The following ODAD2 variants were observed in gnomAD, a reference collection of about 807,000 sequenced individuals.
ODAD2 encodes the protein outer dynein arm-docking complex subunit 2.
In ODAD2, 89 loss-of-function variants were observed where a neutral mutation model predicts 106.8. The observed-to-expected ratio is 0.83, with a 90% CI of 0.70 to 0.99. The LOEUF (loss-of-function observed/expected upper bound fraction) is 0.99, where lower values mean the gene tolerates loss of function less well. Among genes scored for constraint, ODAD2 ranks in the 50% least tolerant of loss-of-function variants. ODAD2 has a pLI of 0.00. For missense variants in ODAD2, 1,168 were observed against 1,238.5 expected, an observed-to-expected ratio of 0.94 and a Z score of 0.85; for synonymous variants, 404 against 436.2, an observed-to-expected ratio of 0.93 and a Z score of 0.92.
At chr10:27,882,173 A>AAAAAAAAGAAAGAAAG (rs1244028116) in intron 17 of ODAD2, among the ~76,000 whole-genome samples, 1 of 109,682 alleles carries the variant, frequency 9.1e-6, no homozygotes, top group African/African-American at 3.5e-5. Context: ...GTCATAAAAA[A>AAAAAAAAGAAAGAAAG]AAAGAAAGAA....
At chr10:27,826,084 G>C (rs1267441439) in intron 19 of ODAD2, among the ~76,000 whole-genome samples, 1 of 152,198 alleles carries the variant, frequency 6.6e-6, no homozygotes, top group African/African-American at 2.4e-5. Flanking sequence ...TAATACCAGT[G>C]ACTGCTTCAT....
intron 10 of ODAD2, among the ~76,000 whole-genome samples, chr10:27,948,581 C>T (rs1847100875): frequency 6.6e-6 from 1 of 152,066 alleles, no homozygotes; most frequent in Admixed American, 6.5e-5. Flanking sequence ...CTTATTTTCA[C>T]ATTTTATCAC....
intron 19 of ODAD2, among the ~76,000 whole-genome samples, chr10:27,814,872 A>G (rs1237622967): frequency 6.6e-6 from 1 of 152,198 alleles, no homozygotes. Flanking sequence ...TATGTCAACA[A>G]CAAGGCAAAT....
At chr10:27,941,596 G>GTT (rs371752746) in intron 12 of ODAD2, among the ~76,000 whole-genome samples, 8,983 of 114,790 alleles carry the variant, frequency 0.078, 524 homozygotes, top group Non-Finnish European at 0.086. Context: ...CCAGCATCCA[G>GTT]TTTTTTTTTT....
intron 17 of ODAD2, among the ~76,000 whole-genome samples, chr10:27,897,005 C>T (rs777823712): frequency 1.2e-4 from 18 of 152,136 alleles, no homozygotes; most frequent in African/African-American, 1.2e-4. Context: ...CAACCACGAC[C>T]GCCTAATTCC....
At chr10:27,912,305 C>A (rs187299226) in intron 16 of ODAD2, among the ~76,000 whole-genome samples, 17 of 152,286 alleles carry the variant, frequency 1.1e-4, no homozygotes. Flanking sequence ...AACTGAATTA[C>A]ATGCTTTCAA....
chr10:27,935,303 A>T, intron 15 of ODAD2, 51 bp from the exon 16 acceptor site: 2 of 1,597,920 alleles, frequency 1.3e-6, no homozygotes, highest in South Asian at 1.1e-5. Context: ...AAGGTTTGCT[A>T]AAAATTACTA....
At chr10:27,901,321 T>C (rs750052754) in intron 17 of ODAD2, among the ~76,000 whole-genome samples, 2 of 151,998 alleles carry the variant, frequency 1.3e-5, no homozygotes, top group Admixed American at 1.3e-4. Flanking sequence ...AAGCACTAAA[T>C]TTGGAAAGGA....
intron 16 of ODAD2, among the ~76,000 whole-genome samples, chr10:27,920,936 C>A (rs921665484): frequency 1.3e-5 from 2 of 151,758 alleles, no homozygotes; most frequent in Non-Finnish European, 2.9e-5. Context: ...GTTACAGATT[C>A]CATGGTAAGT....
chr10:27,948,130 T>A (rs1364231485), intron 10 of ODAD2, among the ~76,000 whole-genome samples: 5 of 152,172 alleles, frequency 3.3e-5, no homozygotes, highest in Non-Finnish European at 7.4e-5. Context: ...TAATTTGGAA[T>A]GCAAAAGACT....
In ODAD2 at chr10:27,983,896, C is replaced by G. The variant is rs201056632; in HGVS notation, c.766G>C (p.Asp256His). The change falls in exon 6 of 20, where the codon GAT becomes CAT. Residue 256 changes from aspartate (D) to histidine (H), a missense_variant. Around this residue, in one of 3 missense-constraint regions of ODAD2, gnomAD observed 430 missense variants for 452.2 expected, o/e 0.95. Transcript: ENST00000305242. ...CAAGTAATGCACAGAGTCTCACCAT[C>G]GTGAGGTTTCACCAGCACATAACAA... ...EICYVLVKPH[D>H]GETLCITCSA... The G allele has an allele frequency of 6.2e-7, 1 of 1,612,014 alleles. No homozygotes were observed. The highest frequency in any genetic ancestry group is 8.5e-7 in the Non-Finnish European group (1 of 1,179,492).
rs1446901529 is a variant in ODAD2, at chr10:27,971,204, C to A, written c.1046G>T (p.Arg349Met). The change falls in exon 8 of 20, where the codon AGG becomes ATG. Residue 349 changes from arginine to methionine, a missense_variant. This residue lies in a region of ODAD2 where 430 missense variants were observed against 452.2 expected (regional missense o/e 0.95). Transcript: ENST00000305242. ...ATTAATTTGGTTCTTCTCCAGTGACCTTTTGTCTGAACCAGAAATGTCTTT... is the reference window on the plus strand; with the variant it reads ...ATTAATTTGGTTCTTCTCCAGTGACATTTTGTCTGAACCAGAAATGTCTTT... Reference protein sequence around the residue: ...LRKDISGSDKRSLEKNQINFW... With the variant: ...LRKDISGSDKMSLEKNQINFW... The A allele has an allele frequency of 3.1e-6, 5 of 1,613,918 alleles. No individual in the cohort carries two copies. The highest frequency in any genetic ancestry group is 4.2e-6 in the Non-Finnish European group (5 of 1,179,886).
intron 17 of ODAD2, among the ~76,000 whole-genome samples, chr10:27,876,123 G>A (rs1400832792): frequency 1.3e-5 from 2 of 152,124 alleles, no homozygotes; most frequent in East Asian, 1.9e-4. Flanking sequence ...CTGGGGGCAG[G>A]GCATAGCCAA....
intron 17 of ODAD2, among the ~76,000 whole-genome samples, chr10:27,905,948 T>C (rs1278630840): frequency 6.6e-6 from 1 of 152,088 alleles, no homozygotes; most frequent in East Asian, 1.9e-4. Flanking sequence ...ATTCAGGACA[T>C]AGGAATGGGC....
chr10:27,940,055 G>GT (rs772137537), intron 13 of ODAD2, 48 bp from the exon 14 acceptor site: 34 of 1,293,426 alleles, frequency 2.6e-5, no homozygotes, highest in Non-Finnish European at 3.4e-5. Context: ...GTGAATATAA[G>GT]TAACTGTTTA....
At chr10:27,853,827 G>A (rs149185826) in intron 19 of ODAD2, among the ~76,000 whole-genome samples, 1,684 of 152,242 alleles carry the variant, frequency 0.011, 27 homozygotes, top group African/African-American at 0.038. Context: ...TGAAATCCTT[G>A]AGACCATGTG....
chr10:27,920,671 T>C (rs1178279351), intron 16 of ODAD2, among the ~76,000 whole-genome samples: 1 of 152,180 alleles, frequency 6.6e-6, no homozygotes, highest in Non-Finnish European at 1.5e-5. Context: ...TTCTTGTTGA[T>C]ACAAACATGT....
intron 16 of ODAD2, among the ~76,000 whole-genome samples, chr10:27,910,589 C>T (rs1200729172): frequency 2.6e-5 from 4 of 151,660 alleles, no homozygotes; most frequent in South Asian, 2.1e-4. Flanking sequence ...CCTGTCTCTA[C>T]AAAAAATACA....
intron 16 of ODAD2, among the ~76,000 whole-genome samples, chr10:27,915,154 AC>A (rs1389881642): frequency 6.6e-6 from 1 of 152,168 alleles, no homozygotes; most frequent in African/African-American, 2.4e-5. Context: ...ACACCTACAC[AC>A]ATCATAATCA....
Sources: gnomAD v4.1 joint callset for allele counts (sites outside exome capture counted in the v4.1 genomes callset) on GRCh38, gnomAD v4.1.1 for gene constraint, gnomAD v4.1.1 regional missense constraint, MANE v1.5 for transcripts, NCBI Gene and HGNC (gene_info 2026-07-23, HGNC 2026-07-21) for gene names.